Variants in CACNA1C observed in about 807,000 individuals in gnomAD.
CACNA1C encodes calcium voltage-gated channel subunit alpha1 C.
A neutral mutation model predicts 229.0 loss-of-function variants in CACNA1C; 30 were observed. The observed-to-expected ratio is 0.13, with a 90% CI of 0.10 to 0.18. CACNA1C has a LOEUF of 0.18. Among genes scored for constraint, CACNA1C ranks in the 10% least tolerant of loss-of-function variants. CACNA1C has a pLI of 1.00. For synonymous variants in CACNA1C, 1,114 were observed against 1,132.5 expected (o/e 0.98, Z 0.33); for missense variants, 1,658 against 2,845.0 (o/e 0.58, Z 9.49).
chr12:2,128,614 T>C (rs2091119964), intron 3 of CACNA1C, among the ~76,000 whole-genome samples: 1 of 152,114 alleles, frequency 6.6e-6, no homozygotes, highest in Non-Finnish European at 1.5e-5. Context: ...GGTTTCACCG[T>C]GTTAGTCAGG....
At chr12:2,096,253 G>A (rs368918963) in intron 1 of CACNA1C, among the ~76,000 whole-genome samples, 37 of 152,360 alleles carry the variant, frequency 2.4e-4, no homozygotes, top group Non-Finnish European at 1.9e-4. Context: ...GCATGTTTGT[G>A]CATGTGCACA....
In CACNA1C at chr12:2,585,598, A is replaced by G; in HGVS notation, c.2460+102A>G. The G allele has an allele frequency of 7.3e-7, 1 of 1,368,260 alleles. No individual in the cohort carries two copies. Among genetic ancestry groups the G allele is most frequent in the Non-Finnish European group, 9.8e-7 (1 of 1,019,664 alleles). 84.8% of individuals were successfully genotyped at this position (1,368,260 alleles called of 1,614,324 possible). A position where few individuals can be genotyped will look rare whatever the true frequency, so the allele number is the denominator to read the frequency against. ...CCTGTGGAGAAGAGGAGAGAAAGAA[A>G]GACACCCAGTGGAAAGAAAGCCAGT... On this transcript the variant is annotated intron_variant, in intron 17 of 46. Transcript: ENST00000399655. The surrounding 1 kb of genome is among the most constrained non-coding windows in gnomAD (Gnocchi z 4.1).
At chr12:2,418,923 G>A (rs565006017) in intron 3 of CACNA1C, among the ~76,000 whole-genome samples, 2 of 152,268 alleles carry the variant, frequency 1.3e-5, no homozygotes, top group East Asian at 1.9e-4. Flanking sequence ...AGCCCCTTAT[G>A]GTCTGTTGGA....
intron 1 of CACNA1C, chr12:2,004,432 C>T (rs771032950): frequency 3.1e-6 from 5 of 1,607,574 alleles, no homozygotes; most frequent in East Asian, 4.5e-5. Context: ...CGGCTGCCAT[C>T]TTCCCTCCCT....
At chr12:2,501,842 C>G (rs1337119524) in intron 7 of CACNA1C, among the ~76,000 whole-genome samples, 1 of 152,242 alleles carries the variant, frequency 6.6e-6, no homozygotes, top group Non-Finnish European at 1.5e-5. Context: ...TTCACCCCGC[C>G]TCTCCTAACA....
chr12:2,265,165 G>T (rs1346629003), intron 3 of CACNA1C, among the ~76,000 whole-genome samples: 1 of 152,224 alleles, frequency 6.6e-6, no homozygotes, highest in Non-Finnish European at 1.5e-5. Context: ...CCCTTGGCCT[G>T]CTGGGGGTGG....
intron 9 of CACNA1C, among the ~76,000 whole-genome samples, chr12:2,531,599 G>C (rs770460938): frequency 2.5e-4 from 38 of 152,292 alleles, no homozygotes; most frequent in South Asian, 6.2e-4. Flanking sequence ...ATTTTGCAAA[G>C]AGACGCTTCT....
At chr12:2,088,949 T>A (rs909668420) in intron 1 of CACNA1C, among the ~76,000 whole-genome samples, 6 of 152,106 alleles carry the variant, frequency 3.9e-5, no homozygotes, top group African/African-American at 1.4e-4. Context: ...ATGAATCACG[T>A]TGTTAAATGC....
chr12:2,515,355 T>C (rs1671044762), intron 9 of CACNA1C, among the ~76,000 whole-genome samples: 1 of 152,092 alleles, frequency 6.6e-6, no homozygotes, highest in Non-Finnish European at 1.5e-5. Context: ...CTAATTCACT[T>C]GCAAAAAAGG....
intron 3 of CACNA1C, among the ~76,000 whole-genome samples, chr12:2,201,479 A>G (rs944048064): frequency 6.6e-6 from 1 of 152,194 alleles, no homozygotes; most frequent in South Asian, 2.1e-4. Flanking sequence ...GAGAAATTCT[A>G]CATCTTTCTC....
At chr12:2,239,731 T>C (rs1162048514) in intron 3 of CACNA1C, among the ~76,000 whole-genome samples, 1 of 152,172 alleles carries the variant, frequency 6.6e-6, no homozygotes, top group African/African-American at 2.4e-5. Context: ...TCCTGGGCCA[T>C]TTCCACAGAG....
At chr12:2,540,350 G>A (rs73236436) in intron 9 of CACNA1C, among the ~76,000 whole-genome samples, 24,359 of 152,008 alleles carry the variant, frequency 0.16, 2,183 homozygotes, top group African/African-American at 0.23. Flanking sequence ...AATTCTCACC[G>A]ACTCCGGAGT....
intron 13 of CACNA1C, among the ~76,000 whole-genome samples, chr12:2,574,944 G>A (rs1220561943): frequency 4.6e-5 from 7 of 152,196 alleles, no homozygotes; most frequent in African/African-American, 1.7e-4. Flanking sequence ...AGATTAAAAA[G>A]ATGCAGGTGA....
chr12:2,682,237 G>A (rs2097184639), intron 42 of CACNA1C, among the ~76,000 whole-genome samples: 1 of 152,192 alleles, frequency 6.6e-6, no homozygotes, highest in Non-Finnish European at 1.5e-5. Flanking sequence ...AATTTCATAG[G>A]GAAACTGAGG....
chr12:2,338,040 C>A (rs768495971), intron 3 of CACNA1C, among the ~76,000 whole-genome samples: 162 of 152,288 alleles, frequency 1.1e-3, no homozygotes, highest in Non-Finnish European at 2.1e-3. Context: ...GGAATCCCCT[C>A]TCTGCACAGC....
At chr12:2,046,783 C>T (rs748790378) in intron 1 of CACNA1C, among the ~76,000 whole-genome samples, 57 of 152,230 alleles carry the variant, frequency 3.7e-4, no homozygotes, top group Middle Eastern at 6.8e-3. Context: ...GAGAGTTTTC[C>T]CTAAGTGTAG....
At chr12:1,994,589 TA>T (rs1462510600) in intron 1 of CACNA1C, among the ~76,000 whole-genome samples, 8 of 152,310 alleles carry the variant, frequency 5.3e-5, no homozygotes, top group South Asian at 2.1e-4. Flanking sequence ...AGAGCTCTGT[TA>T]GGGGTCTTCT....
intron 9 of CACNA1C, among the ~76,000 whole-genome samples, chr12:2,530,707 GT>G (rs1441087024): frequency 6.6e-6 from 1 of 152,178 alleles, no homozygotes; most frequent in Non-Finnish European, 1.5e-5. Context: ...CGGTGCTTCA[GT>G]TTTTTTCGTG....
rs912746817 is a variant in CACNA1C at position 2,467,790 on chromosome 12, C to G, written c.757+10084C>G. On this transcript the variant is annotated intron_variant, in intron 5 of 46. Transcript: ENST00000399655. This position sits in a 1 kb window ranked among gnomAD's most constrained non-coding sequence, Gnocchi z 4.6. Reference sequence around the variant, plus strand: ...ATCCCCAGTTAAGCAACTCTCTTCCCGGCATCCTCCCAGGTGCCCCTGAAA... The same window carrying G: ...ATCCCCAGTTAAGCAACTCTCTTCCGGGCATCCTCCCAGGTGCCCCTGAAA... Among the ~76,000 whole-genome samples, 2 of 152,210 alleles carry G rather than the reference C, an allele frequency of 1.3e-5. No individual in the cohort carries two copies. The highest frequency in any genetic ancestry group is 1.3e-4 in the Admixed American group (2 of 15,292).
Sources: gnomAD v4.1 joint callset for allele counts (sites outside exome capture counted in the v4.1 genomes callset) on GRCh38, gnomAD v4.1.1 for gene constraint, Gnocchi (gnomAD v3.1) non-coding constraint, MANE v1.5 for transcripts, NCBI Gene and HGNC (gene_info 2026-07-23, HGNC 2026-07-21) for gene names.